IQCK: variants seen among roughly 807,000 people sequenced by gnomAD.
IQCK encodes the protein IQ motif containing K.
IQCK carries 29 observed loss-of-function variants against 28.1 expected under a neutral mutation model. The ratio of observed to expected loss-of-function variants is 1.03; its 90% confidence interval spans 0.77 to 1.41. IQCK has a LOEUF of 1.41. Ranked by LOEUF, IQCK falls within the 40% of genes most tolerant of loss-of-function variation. The probability of loss-of-function intolerance (pLI) is 0.00; values close to 1 mark genes in which losing one functional copy is unlikely to be tolerated. For synonymous variants in IQCK, 113 were observed against 115.1 expected (o/e 0.98, Z 0.12); for missense variants, 359 against 314.7 (o/e 1.14, Z -1.07).
At chr16:19,758,067 C>A (rs182186880) in intron 4 of IQCK, among the ~76,000 whole-genome samples, 7 of 152,274 alleles carry the variant, frequency 4.6e-5, no homozygotes, top group Non-Finnish European at 1.5e-5. Context: ...TCTGCTCTCA[C>A]AAACATAAGC....
At position 19,760,295 on chromosome 16, in the gene IQCK, G is replaced by A. The variant is rs140261340; in HGVS notation, c.475-3553G>A. Among the ~76,000 whole-genome samples, 3 of 152,264 alleles carry A rather than the reference G, an allele frequency of 2.0e-5. No homozygotes were observed. The East Asian group carries it at 5.8e-4, about 29-fold the overall frequency. ...CAACCTAATGCAAACTGGCTTAAGTGCAAAAGAGAATATATTGGTTCTTAT... is the reference window on the plus strand; with the variant it reads ...CAACCTAATGCAAACTGGCTTAAGTACAAAAGAGAATATATTGGTTCTTAT... On this transcript the variant is annotated intron_variant, in intron 4 of 7. Transcript: ENST00000564186.
At chr16:19,743,325 A>G (rs1268057444) in intron 4 of IQCK, among the ~76,000 whole-genome samples, 2 of 152,216 alleles carry the variant, frequency 1.3e-5, no homozygotes, top group African/African-American at 4.8e-5. Context: ...GACTGGATCT[A>G]CTGCCTCTGG....
At chr16:19,828,528 G>A (rs1008158499), downstream of IQCK, among the ~76,000 whole-genome samples, 5 of 151,814 alleles carry the variant, frequency 3.3e-5, no homozygotes, top group African/African-American at 7.3e-5. Flanking sequence ...ATGAGCCACC[G>A]TGCCCAACCT....
intron 6 of IQCK, among the ~76,000 whole-genome samples, chr16:19,770,387 T>G (rs1325245367): frequency 6.6e-6 from 1 of 152,186 alleles, no homozygotes; most frequent in Non-Finnish European, 1.5e-5. Flanking sequence ...CACAAATTTA[T>G]TACTATACTG....
intron 9 of IQCK, among the ~76,000 whole-genome samples, chr16:19,841,867 C>T (rs11864097): frequency 0.31 from 46,294 of 147,544 alleles, 7,583 homozygotes; most frequent in East Asian, 0.53. Flanking sequence ...TTTTTTGAGA[C>T]GCAGTTTTGT....
intron 7 of IQCK, among the ~76,000 whole-genome samples, chr16:19,807,334 G>A (rs1170602436): frequency 6.6e-6 from 1 of 152,222 alleles, no homozygotes; most frequent in Non-Finnish European, 1.5e-5. Flanking sequence ...TTCAGAAATT[G>A]TGTTGTTTCT....
At chr16:19,743,311 C>G (rs2054863204) in intron 4 of IQCK, among the ~76,000 whole-genome samples, 1 of 152,224 alleles carries the variant, frequency 6.6e-6, no homozygotes, top group African/African-American at 2.4e-5. Context: ...ACTATACCTG[C>G]AGTGACTGGA....
chr16:19,754,486 T>C (rs1299266321), intron 4 of IQCK, among the ~76,000 whole-genome samples: 2 of 152,210 alleles, frequency 1.3e-5, no homozygotes, highest in Non-Finnish European at 2.9e-5. Context: ...TTTTGGTTGC[T>C]TATCAAATTC....
intron 4 of IQCK, among the ~76,000 whole-genome samples, chr16:19,740,182 A>G (rs2054813023): frequency 6.6e-6 from 1 of 152,182 alleles, no homozygotes; most frequent in Non-Finnish European, 1.5e-5. Flanking sequence ...CAGTTATCAA[A>G]TTTAAACGGC....
At chr16:19,844,252 G>C (rs1162340343) in intron 9 of IQCK, among the ~76,000 whole-genome samples, 1 of 152,000 alleles carries the variant, frequency 6.6e-6, no homozygotes, top group Non-Finnish European at 1.5e-5. Flanking sequence ...GCTAATTTTT[G>C]TATTTTTAGT....
At chr16:19,822,135 C>T (rs912889346) in intron 7 of IQCK, among the ~76,000 whole-genome samples, 5 of 148,950 alleles carry the variant, frequency 3.4e-5, no homozygotes, top group African/African-American at 7.4e-5. Flanking sequence ...ACGCAGTAAT[C>T]CCCGCACTTT....
downstream of IQCK, among the ~76,000 whole-genome samples, chr16:19,827,887 A>G (rs1647340000): frequency 6.6e-6 from 1 of 151,514 alleles, no homozygotes. Flanking sequence ...GGGACTTCTC[A>G]GTCACCATAA....
chr16:19,742,277 C>T (rs2054848035), intron 4 of IQCK, among the ~76,000 whole-genome samples: 1 of 152,212 alleles, frequency 6.6e-6, no homozygotes, highest in South Asian at 2.1e-4. Context: ...GCTACAAATA[C>T]GCAAGGTGGG....
intron 6 of IQCK, among the ~76,000 whole-genome samples, chr16:19,776,417 T>C (rs2151722537): frequency 6.6e-6 from 1 of 152,218 alleles, no homozygotes; most frequent in East Asian, 1.9e-4. Context: ...GCTTGAAAGA[T>C]GCCATGTCCT....
At chr16:19,835,623 C>T (rs1342402652) in intron 9 of IQCK, among the ~76,000 whole-genome samples, 3 of 145,180 alleles carry the variant, frequency 2.1e-5, no homozygotes, top group South Asian at 2.2e-4. Context: ...CTTGCTCTGT[C>T]GCCCAGACTG....
At chr16:19,844,337 C>G (rs781571572) in intron 9 of IQCK, among the ~76,000 whole-genome samples, 3 of 152,142 alleles carry the variant, frequency 2.0e-5, no homozygotes, top group Non-Finnish European at 2.9e-5. Context: ...CCTTGGCCTC[C>G]CAAAGTGCTG....
chr16:19,762,726 T>C (rs1467919932), intron 4 of IQCK, among the ~76,000 whole-genome samples: 1 of 152,118 alleles, frequency 6.6e-6, no homozygotes, highest in African/African-American at 2.4e-5. Flanking sequence ...AATCCACTTA[T>C]AACTTTGGCC....
At chr16:19,729,431 T>A (rs2151678732) in intron 1 of IQCK, among the ~76,000 whole-genome samples, 1 of 151,510 alleles carries the variant, frequency 6.6e-6, no homozygotes, top group African/African-American at 2.4e-5. Context: ...TGTTAGCCTC[T>A]CCTCCGCATG....
chr16:19,817,678 T>G (rs1366566882), intron 7 of IQCK, among the ~76,000 whole-genome samples: 7 of 138,812 alleles, frequency 5.0e-5, no homozygotes, highest in Non-Finnish European at 1.0e-4. Context: ...TAGGAAAAAT[T>G]AATTAATTAT....
Sources: allele counts gnomAD v4.1 joint callset (sites outside exome capture counted in the v4.1 genomes callset), GRCh38; gene constraint gnomAD v4.1.1; transcripts MANE v1.5; gene names NCBI Gene and HGNC (gene_info 2026-07-23, HGNC 2026-07-21).